PDE1A: variants seen among roughly 807,000 people sequenced by gnomAD.
PDE1A encodes dual specificity calcium/calmodulin-dependent 3',5'-cyclic nucleotide phosphodiesterase 1A.
PDE1A carries 35 observed loss-of-function variants against 61.7 expected under a neutral mutation model. That is an observed-to-expected ratio of 0.57 (90% confidence interval 0.43 to 0.75). The LOEUF (loss-of-function observed/expected upper bound fraction) is 0.75. Among genes scored for constraint, PDE1A ranks in the 30% least tolerant of loss-of-function variants. The pLI is 0.00. For synonymous variants in PDE1A, 232 were observed against 213.2 expected, an observed-to-expected ratio of 1.09 and a Z score of -0.77; for missense variants, 597 against 630.6, an observed-to-expected ratio of 0.95 and a Z score of 0.57.
At chr2:182,191,736 G>A (rs1278668991) in intron 10 of PDE1A, among the ~76,000 whole-genome samples, 8 of 148,554 alleles carry the variant, frequency 5.4e-5, no homozygotes, top group African/African-American at 1.5e-4. Flanking sequence ...CTGCTATCTG[G>A]TATTTAAGGA....
intron 1 of PDE1A, among the ~76,000 whole-genome samples, chr2:182,391,916 A>G (rs1006369089): frequency 6.6e-6 from 1 of 152,188 alleles, no homozygotes; most frequent in Non-Finnish European, 1.5e-5. Context: ...ACTAATTTTA[A>G]TTATAAAAAT....
chr2:182,285,032 G>A (rs1694063605), intron 1 of PDE1A, among the ~76,000 whole-genome samples: 1 of 152,034 alleles, frequency 6.6e-6, no homozygotes, highest in South Asian at 2.1e-4. Context: ...CCTCAAGCCA[G>A]CATTCTTATA....
chr2:182,417,897 A>C (rs1334057110), intron 1 of PDE1A, among the ~76,000 whole-genome samples: 1 of 152,208 alleles, frequency 6.6e-6, no homozygotes, highest in East Asian at 1.9e-4. Flanking sequence ...CAATTTAAAA[A>C]AAAATTCATT....
intron 1 of PDE1A, among the ~76,000 whole-genome samples, chr2:182,296,605 G>T (rs79371268): frequency 6.6e-6 from 1 of 152,120 alleles, no homozygotes; most frequent in Non-Finnish European, 1.5e-5. Context: ...AGAGGCCACC[G>T]ATCTTCAAGT....
chr2:182,263,460 G>GTCTT (rs1239587670), intron 2 of PDE1A, among the ~76,000 whole-genome samples: 9 of 152,016 alleles, frequency 5.9e-5, no homozygotes, highest in Admixed American at 5.9e-4. Flanking sequence ...GACTTAAGTA[G>GTCTT]TCTTTGGTGC....
At chr2:182,567,582 C>A in the PDE1A span, among the ~76,000 whole-genome samples, 1 of 152,120 alleles carries the variant, frequency 6.6e-6, no homozygotes, top group African/African-American at 2.4e-5. Flanking sequence ...AAAGCAAATA[C>A]AGTGATTTCT....
At chr2:182,309,821 G>T (rs1419685144) in intron 1 of PDE1A, among the ~76,000 whole-genome samples, 1 of 152,106 alleles carries the variant, frequency 6.6e-6, no homozygotes, top group Non-Finnish European at 1.5e-5. Context: ...TGAAAAAACT[G>T]CATGTGATTG....
At position 182,329,457 on chromosome 2, in the gene PDE1A, T is replaced by A. The variant is rs570182989; in HGVS notation, c.54-65043A>T. ...CAAGGTGGAGTGCAATGGGGCAATCTCGACTCACTGTAACCTCTGCCTCCC... is the reference window on the plus strand; with the variant it reads ...CAAGGTGGAGTGCAATGGGGCAATCACGACTCACTGTAACCTCTGCCTCCC... On this transcript the variant is annotated intron_variant, in intron 1 of 13. Coordinates refer to ENST00000351439, the Ensembl canonical transcript of PDE1A. Among the ~76,000 whole-genome samples, 3 of 152,284 alleles carry A rather than the reference T, an allele frequency of 2.0e-5. No homozygotes were observed. The East Asian group carries it at 5.8e-4, about 29-fold the overall frequency.
intron 1 of PDE1A, among the ~76,000 whole-genome samples, chr2:182,392,486 A>G (rs890100774): frequency 1.3e-5 from 2 of 151,878 alleles, no homozygotes; most frequent in African/African-American, 4.8e-5. Flanking sequence ...TCTGCCCCTG[A>G]CTCCTCCCAA....
chr2:182,324,590 G>C (rs191914734), intron 1 of PDE1A, among the ~76,000 whole-genome samples: 21 of 152,124 alleles, frequency 1.4e-4, no homozygotes, highest in Non-Finnish European at 7.4e-5. Context: ...GGTCAAATCT[G>C]TTATGTTACT....
At chr2:182,321,063 A>C (rs1696663145) in intron 1 of PDE1A, among the ~76,000 whole-genome samples, 2 of 152,202 alleles carry the variant, frequency 1.3e-5, no homozygotes, top group Admixed American at 1.3e-4. Context: ...AACAAAAAGC[A>C]AAAAATAGCA....
At chr2:182,310,042 A>G (rs1396117702) in intron 1 of PDE1A, among the ~76,000 whole-genome samples, 1 of 152,216 alleles carries the variant, frequency 6.6e-6, no homozygotes, top group African/African-American at 2.4e-5. Flanking sequence ...GGCAAGACAC[A>G]AGGAACATAC....
intron 6 of PDE1A, among the ~76,000 whole-genome samples, chr2:182,227,298 TGA>T (rs1187628296): frequency 6.6e-6 from 1 of 152,022 alleles, no homozygotes; most frequent in Non-Finnish European, 1.5e-5. Flanking sequence ...TCAGGATGTG[TGA>T]GTGTGTGCCT....
At chr2:182,176,530 G>T (rs1480183289) in intron 13 of PDE1A, among the ~76,000 whole-genome samples, 1 of 143,720 alleles carries the variant, frequency 7.0e-6, no homozygotes, top group Non-Finnish European at 1.5e-5. Flanking sequence ...TTTGTACATT[G>T]ATTTTGTATC....
chr2:182,649,676 T>A, the PDE1A span, among the ~76,000 whole-genome samples: 3 of 151,564 alleles, frequency 2.0e-5, no homozygotes, highest in South Asian at 6.3e-4. Context: ...AGGGGCGCAA[T>A]CTCAGTTCAC....
intron 2 of PDE1A, among the ~76,000 whole-genome samples, chr2:182,461,505 A>T (rs1251227589): frequency 6.6e-6 from 1 of 152,164 alleles, no homozygotes; most frequent in African/African-American, 2.4e-5. Flanking sequence ...AATAATAACC[A>T]AATAGGAAAC....
chr2:182,562,280 G>T, the PDE1A span, among the ~76,000 whole-genome samples: 1 of 151,508 alleles, frequency 6.6e-6, no homozygotes, highest in African/African-American at 2.4e-5. Context: ...GTTGAATTTT[G>T]TCAAAGGCCT....
chr2:182,635,698 C>CTCTCTCTCTCTCTCTA, the PDE1A span, among the ~76,000 whole-genome samples: 33 of 147,622 alleles, frequency 2.2e-4, no homozygotes, highest in African/African-American at 7.3e-4. Flanking sequence ...CTCTCTCTCT[C>CTCTCTCTCTCTCTCTA]TCCACATATG....
At chr2:182,419,331 CT>C (rs1172193658) in intron 1 of PDE1A, among the ~76,000 whole-genome samples, 2 of 143,564 alleles carry the variant, frequency 1.4e-5, no homozygotes, top group African/African-American at 5.1e-5. Flanking sequence ...TTCTTTTTTT[CT>C]TTTCTTTTTT....
Sources: gnomAD v4.1 joint callset for allele counts (sites outside exome capture counted in the v4.1 genomes callset) on GRCh38, gnomAD v4.1.1 for gene constraint, MANE v1.5 for transcripts, NCBI Gene and HGNC (gene_info 2026-07-23, HGNC 2026-07-21) for gene names.